DOK6: variants seen among roughly 807,000 people sequenced by gnomAD.
DOK6 encodes docking protein 6.
Under a neutral mutation model 44.0 loss-of-function variants are expected in DOK6, and 22 were observed. The ratio of observed to expected loss-of-function variants is 0.50; its 90% CI spans 0.36 to 0.71. The LOEUF is 0.71. Ranked by LOEUF, DOK6 falls within the 30% of genes least tolerant of loss-of-function variation. DOK6 has a pLI of 0.00. For synonymous variants in DOK6, 166 were observed against 145.5 expected (o/e 1.14, Z -1.01); for missense variants, 340 against 416.4 (o/e 0.82, Z 1.60).
chr18:69,539,544 T>C (rs556804353), intron 1 of DOK6, among the ~76,000 whole-genome samples: 1 of 151,060 alleles, frequency 6.6e-6, no homozygotes, highest in African/African-American at 2.4e-5. Context: ...GCACAGGGAC[T>C]CCAGGATATA....
At chr18:69,618,657 C>G (rs1358158248) in intron 3 of DOK6, 3 of 152,312 alleles carry the variant, frequency 2.0e-5, no homozygotes, top group Non-Finnish European at 4.4e-5. Flanking sequence ...CCTTATAAAA[C>G]CATCAGGTCT....
At chr18:69,518,932 A>G (rs548583526) in intron 1 of DOK6, among the ~76,000 whole-genome samples, 14 of 152,172 alleles carry the variant, frequency 9.2e-5, no homozygotes, top group African/African-American at 3.1e-4. Flanking sequence ...TGTCAGGTAC[A>G]TAAAGTTATT....
intron 5 of DOK6, among the ~76,000 whole-genome samples, chr18:69,734,971 A>G (rs774534237): frequency 4.3e-4 from 66 of 152,192 alleles, no homozygotes; most frequent in Non-Finnish European, 8.1e-4. Flanking sequence ...AATGCTAGTA[A>G]TATTTTCTCC....
intron 6 of DOK6, among the ~76,000 whole-genome samples, chr18:69,740,348 T>G (rs1978761086): frequency 2.0e-5 from 3 of 152,226 alleles, no homozygotes; most frequent in Admixed American, 2.0e-4. Context: ...AACTATCAAA[T>G]TTCAAATTAT....
At chr18:69,410,699 T>C (rs1978302391) in intron 1 of DOK6, among the ~76,000 whole-genome samples, 1 of 152,194 alleles carries the variant, frequency 6.6e-6, no homozygotes, top group Non-Finnish European at 1.5e-5. Flanking sequence ...CTACCAGCAA[T>C]GTGGATGCTC....
intron 1 of DOK6, among the ~76,000 whole-genome samples, chr18:69,450,264 C>A: frequency 3.4e-5 from 1 of 29,580 alleles, no homozygotes; most frequent in Admixed American, 4.7e-4. Flanking sequence ...GTGAAGAATG[C>A]AGAAGCCTCA....
At chr18:69,618,725 G>A (rs150065551) in intron 3 of DOK6, 3 of 152,230 alleles carry the variant, frequency 2.0e-5, no homozygotes, top group African/African-American at 7.2e-5. Flanking sequence ...AACTGCCCTC[G>A]TGATTCAATT....
intron 7 of DOK6, among the ~76,000 whole-genome samples, chr18:69,806,193 A>G (rs748349507): frequency 6.6e-6 from 1 of 151,976 alleles, no homozygotes; most frequent in Non-Finnish European, 1.5e-5. Flanking sequence ...TAATTAGTAT[A>G]ATAAATGATG....
intron 3 of DOK6, among the ~76,000 whole-genome samples, chr18:69,637,287 C>T (rs1486017161): frequency 2.0e-5 from 3 of 152,308 alleles, no homozygotes; most frequent in African/African-American, 7.2e-5. Context: ...TTTTCACGGT[C>T]ACGTGAGTTT....
chr18:69,455,629 A>C (rs576253220), intron 1 of DOK6, among the ~76,000 whole-genome samples: 1 of 152,286 alleles, frequency 6.6e-6, no homozygotes, highest in East Asian at 1.9e-4. Context: ...TCAATGTATC[A>C]GTTTGTTTTT....
intron 7 of DOK6, among the ~76,000 whole-genome samples, chr18:69,766,199 G>A (rs1032794478): frequency 1.3e-5 from 2 of 152,178 alleles, no homozygotes; most frequent in African/African-American, 2.4e-5. Flanking sequence ...TCATAAGTGG[G>A]AGCTAAACAT....
intron 1 of DOK6, among the ~76,000 whole-genome samples, chr18:69,550,160 T>G (rs1982523180): frequency 7.0e-6 from 1 of 143,462 alleles, no homozygotes; most frequent in African/African-American, 2.4e-5. Flanking sequence ...ACATAAAGTT[T>G]TAAAATTCAA....
intron 7 of DOK6, among the ~76,000 whole-genome samples, chr18:69,761,778 G>A (rs1327506357): frequency 1.3e-5 from 2 of 152,148 alleles, no homozygotes; most frequent in Non-Finnish European, 2.9e-5. Context: ...CCTCACTGAG[G>A]ATTGTCTGGA....
intron 4 of DOK6, among the ~76,000 whole-genome samples, chr18:69,690,531 G>C (rs186998044): frequency 1.3e-5 from 2 of 152,046 alleles, no homozygotes; most frequent in African/African-American, 4.8e-5. Context: ...TGCAATAATC[G>C]TCTATTATAG....
chr18:69,568,775 C>T (rs924299701), intron 2 of DOK6, among the ~76,000 whole-genome samples: 1 of 151,996 alleles, frequency 6.6e-6, no homozygotes, highest in Non-Finnish European at 1.5e-5. Context: ...ATTACATTCT[C>T]ATAGGAGCAC....
intron 7 of DOK6, among the ~76,000 whole-genome samples, chr18:69,764,515 C>G (rs1480473159): frequency 6.6e-6 from 1 of 152,106 alleles, no homozygotes; most frequent in Admixed American, 6.6e-5. Flanking sequence ...TCATAAGGAG[C>G]TTTTTCCCCT....
chr18:69,466,633 C>G (rs1979935643), intron 1 of DOK6, among the ~76,000 whole-genome samples: 1 of 151,528 alleles, frequency 6.6e-6, no homozygotes. Context: ...ATATTTTTGT[C>G]TTTGAAAAAT....
intron 7 of DOK6, among the ~76,000 whole-genome samples, chr18:69,771,396 TTA>T (rs1193477405): frequency 2.0e-5 from 3 of 152,098 alleles, no homozygotes; most frequent in Admixed American, 6.6e-5. Context: ...AAACTCTAGT[TTA>T]TTTAACCATT....
At chr18:69,792,509 G>A (rs938011900) in intron 7 of DOK6, among the ~76,000 whole-genome samples, 6 of 151,902 alleles carry the variant, frequency 3.9e-5, no homozygotes, top group African/African-American at 1.2e-4. Context: ...AAATAGAAAT[G>A]CTACTGCTTT....
Sources: allele counts gnomAD v4.1 joint callset (sites outside exome capture counted in the v4.1 genomes callset), GRCh38; gene constraint gnomAD v4.1.1; transcripts MANE v1.5; gene names NCBI Gene and HGNC (gene_info 2026-07-23, HGNC 2026-07-21).